Variants in TEK observed in about 807,000 individuals in gnomAD.
TEK encodes the protein TEK receptor tyrosine kinase, also known as angiopoietin-1 receptor.
TEK carries 43 observed loss-of-function variants against 131.8 expected under a neutral mutation model. The ratio of observed to expected loss-of-function variants is 0.33; its 90% CI spans 0.26 to 0.42. The LOEUF is 0.42. TEK is among the 10% of genes least tolerant of loss of function. TEK has a pLI of 1.00. For missense variants in TEK, 1,162 were observed against 1,384.4 expected (o/e 0.84, Z 2.55); for synonymous variants, 580 against 491.6 (o/e 1.18, Z -2.38).
chr9:27,162,272 T>C (rs902516166), intron 2 of TEK, among the ~76,000 whole-genome samples: 1 of 152,220 alleles, frequency 6.6e-6, no homozygotes, highest in African/African-American at 2.4e-5. Flanking sequence ...TATTCCTGCT[T>C]GCTGCTGACT....
At chr9:27,143,194 G>A (rs1215092721) in intron 1 of TEK, among the ~76,000 whole-genome samples, 5 of 152,208 alleles carry the variant, frequency 3.3e-5, no homozygotes, top group Admixed American at 6.5e-5. Flanking sequence ...AGCACCAGGG[G>A]AGGGAGCGGT....
intron 5 of TEK, 149 bp downstream of exon 5, chr9:27,172,896 C>G: frequency 8.8e-7 from 1 of 1,140,454 alleles, no homozygotes; most frequent in Non-Finnish European, 1.3e-6. Context: ...GAAAAAGGTG[C>G]CTTTTCCTAA....
In TEK at chr9:27,206,006, A is replaced by T. The variant is rs150301517; in HGVS notation, c.2365-576A>T. Among the ~76,000 whole-genome samples, 253 of 152,280 alleles carry T rather than the reference A, an allele frequency of 1.7e-3. 1 individual carries two copies. The highest frequency in any genetic ancestry group is 5.8e-3 in the African/African-American group (241 of 41,576). ...CAAAATACCGGTGCTTTTTCATGGTAGCACCAGCAGCTATTTGAATTCAGG... is the reference window on the plus strand; with the variant it reads ...CAAAATACCGGTGCTTTTTCATGGTTGCACCAGCAGCTATTTGAATTCAGG... On this transcript the variant is annotated intron_variant, in intron 14 of 22. Transcript: ENST00000380036.
At chr9:27,137,735 C>T (rs1364247143) in intron 1 of TEK, among the ~76,000 whole-genome samples, 2 of 152,188 alleles carry the variant, frequency 1.3e-5, no homozygotes, top group South Asian at 2.1e-4. Context: ...CAGAGGCTCA[C>T]TATTGTGAAT....
intron 1 of TEK, among the ~76,000 whole-genome samples, chr9:27,137,897 G>A (rs576922153): frequency 2.0e-4 from 30 of 152,238 alleles, no homozygotes; most frequent in East Asian, 7.7e-4. Context: ...GGACCCTTGC[G>A]GTGAGTGTTA....
chr9:27,117,144 C>T (rs1001378795), intron 1 of TEK, among the ~76,000 whole-genome samples: 6 of 152,078 alleles, frequency 3.9e-5, no homozygotes, highest in Admixed American at 6.6e-5. Flanking sequence ...GGATTACAGG[C>T]GTGAGCCACT....
chr9:27,119,786 T>G (rs1015773149), intron 1 of TEK, among the ~76,000 whole-genome samples: 4 of 152,216 alleles, frequency 2.6e-5, no homozygotes, highest in Non-Finnish European at 4.4e-5. Flanking sequence ...CCAAACCTAT[T>G]GATTCCTATT....
At position 27,170,327 on chromosome 9, in the gene TEK, C is replaced by G. The variant is rs114588711; in HGVS notation, c.628+698C>G. On this transcript the variant is annotated intron_variant, in intron 4 of 22. Transcript: ENST00000380036. The stretch of plus-strand genomic sequence containing the variant: ...ATACCAGACGGGGACACTAAGGACT[C>G]TTAATAAACTGATGGGAAAGCTGAA... Among the ~76,000 whole-genome samples, 1,510 of 152,160 alleles carry G rather than the reference C, an allele frequency of 9.9e-3. 32 individuals carry two copies. The highest frequency in any genetic ancestry group is 0.035 in the African/African-American group (1,444 of 41,520).
intron 18 of TEK, among the ~76,000 whole-genome samples, chr9:27,215,999 A>G (rs1825809664): frequency 6.6e-6 from 1 of 152,176 alleles, no homozygotes; most frequent in Admixed American, 6.5e-5. Context: ...CTAGAGGAAA[A>G]GGAAAGCATG....
At chr9:27,185,238 T>A (rs1158806135) in intron 8 of TEK, among the ~76,000 whole-genome samples, 3 of 152,158 alleles carry the variant, frequency 2.0e-5, no homozygotes, top group African/African-American at 7.2e-5. Flanking sequence ...TGCTTGTAAG[T>A]GTTTACCCCG....
chr9:27,131,821 G>T (rs944054198), intron 1 of TEK, among the ~76,000 whole-genome samples: 1 of 151,586 alleles, frequency 6.6e-6, no homozygotes, highest in East Asian at 1.9e-4. Context: ...AAAAAAGAAA[G>T]AAATTTGATA....
chr9:27,182,613 G>A (rs555662789), intron 7 of TEK, among the ~76,000 whole-genome samples: 5 of 151,970 alleles, frequency 3.3e-5, no homozygotes, highest in Non-Finnish European at 5.9e-5. Context: ...TGCTCTGAGG[G>A]CACCTCTATC....
rs10757644 is a variant in TEK at position 27,229,101 on chromosome 9, G to C, written c.3301-57G>C. On this transcript the variant is annotated intron_variant, in intron 22 of 22. Coordinates refer to ENST00000380036, the MANE Select transcript of TEK (RefSeq NM_000459.5). ...AAACCAAGGTATTGCTGTAACTGCC[G>C]CTGGCAGAGGTGGAATCAAAGCAGC... 4 of 1,520,654 alleles carry C rather than the reference G, an allele frequency of 2.6e-6. No homozygotes were observed. In the African/African-American group the frequency reaches 5.5e-5, roughly 21 times the overall value. 94.2% of individuals were successfully genotyped at this position (1,520,654 alleles called of 1,614,324 possible).
chr9:27,192,032 A>G (rs1030934431), intron 10 of TEK: 1 of 443,782 alleles, frequency 2.3e-6, no homozygotes, highest in Non-Finnish European at 4.5e-6. Context: ...AGAATGCTTC[A>G]TTGTAATAGT....
intron 1 of TEK, among the ~76,000 whole-genome samples, chr9:27,143,889 G>A (rs1157874625): frequency 2.6e-5 from 4 of 152,212 alleles, no homozygotes. Context: ...AGGAAAGCAT[G>A]AGCCAAGTCT....
Position 27,213,534 on chromosome 9 carries a change from T to C in TEK, c.2928T>C (p.Tyr976=), listed in dbSNP as rs1412665917. 1.2e-6 allele frequency: 2 copies of C among 1,614,080 alleles called. No homozygotes were observed. Among genetic ancestry groups the C allele is most frequent in the Non-Finnish European group, 1.7e-6 (2 of 1,179,936 alleles). Residue 976 remains tyrosine (Y), a synonymous_variant, in exon 18 of 23, where the codon TAT becomes TAC. Transcript: ENST00000380036. The part of the protein sequence containing the change: ...AARNILVGEN[Y]VAKIADFGLS... ...GAAACATTTTAGTTGGTGAAAACTA[T>C]GTGGCAAAAATAGCAGATTTTGGAT... is the stretch of plus-strand genomic sequence containing the variant.
intron 6 of TEK, among the ~76,000 whole-genome samples, chr9:27,177,072 T>G (rs1249416066): frequency 6.6e-6 from 1 of 152,202 alleles, no homozygotes; most frequent in Non-Finnish European, 1.5e-5. Context: ...ACACACCACA[T>G]TTTCTTTATC....
At chr9:27,138,815 A>G (rs142856673) in intron 1 of TEK, among the ~76,000 whole-genome samples, 254 of 152,278 alleles carry the variant, frequency 1.7e-3, no homozygotes, top group Admixed American at 2.6e-3. Flanking sequence ...GGAATTGAGT[A>G]TGTGTGAATT....
At chr9:27,130,151 T>G (rs1231700460) in intron 1 of TEK, among the ~76,000 whole-genome samples, 1 of 152,322 alleles carries the variant, frequency 6.6e-6, no homozygotes, top group African/African-American at 2.4e-5. Flanking sequence ...TTACTGGATC[T>G]TAGGTGGAAT....
Sources: allele counts gnomAD v4.1 joint callset (sites outside exome capture counted in the v4.1 genomes callset), GRCh38; gene constraint gnomAD v4.1.1; transcripts MANE v1.5; gene names NCBI Gene and HGNC (gene_info 2026-07-23, HGNC 2026-07-21).